Variants in CDH20 observed in about 807,000 individuals in gnomAD.
The protein encoded by CDH20 is cadherin-20.
CDH20 carries 29 observed loss-of-function variants against 74.2 expected under a neutral mutation model. The observed-to-expected ratio is 0.39, with a 90% confidence interval of 0.29 to 0.53. The LOEUF (loss-of-function observed/expected upper bound fraction) is 0.53, where lower values mean the gene tolerates loss of function less well. Ranked by LOEUF, CDH20 falls within the 20% of genes least tolerant of loss-of-function variation. The pLI is 0.69. For synonymous variants in CDH20, 469 were observed against 405.4 expected (o/e 1.16, Z -1.88); for missense variants, 988 against 1,048.3 (o/e 0.94, Z 0.79).
At chr18:61,432,678 G>A (rs1444914463) in intron 1 of CDH20, among the ~76,000 whole-genome samples, 1 of 152,144 alleles carries the variant, frequency 6.6e-6, no homozygotes, top group South Asian at 2.1e-4. Context: ...CTAGGGGAAG[G>A]GGTGATGGCA....
intron 6 of CDH20, among the ~76,000 whole-genome samples, chr18:61,512,216 C>T (rs1911809828): frequency 1.3e-5 from 2 of 152,182 alleles, no homozygotes; most frequent in Non-Finnish European, 1.5e-5. Flanking sequence ...AGTAATCAAT[C>T]AGTCGATTTT....
At chr18:61,490,058 G>C in intron 1 of CDH20, among the ~76,000 whole-genome samples, 1 of 152,080 alleles carries the variant, frequency 6.6e-6, no homozygotes, top group Non-Finnish European at 1.5e-5. Context: ...AAGAGTTTAA[G>C]AGCCTGTCTG....
intron 1 of CDH20, among the ~76,000 whole-genome samples, chr18:61,417,578 TAAAAAAAAAA>T (rs545256689): frequency 2.7e-4 from 17 of 62,342 alleles, no homozygotes; most frequent in African/African-American, 8.8e-4. Context: ...ATGTGGGAGC[TAAAAAAAAAA>T]AAAAAAAAAA....
intron 1 of CDH20, among the ~76,000 whole-genome samples, chr18:61,448,275 G>A (rs1343420313): frequency 1.3e-5 from 2 of 152,212 alleles, no homozygotes; most frequent in Non-Finnish European, 2.9e-5. Context: ...CAGCATGTAT[G>A]GGAATAATGG....
intron 1 of CDH20, among the ~76,000 whole-genome samples, chr18:61,383,110 T>G (rs1186125372): frequency 6.6e-6 from 1 of 152,222 alleles, no homozygotes; most frequent in Non-Finnish European, 1.5e-5. Context: ...GAAAGGCCCT[T>G]AGAACAGTGC....
chr18:61,436,087 C>G (rs185450599), intron 1 of CDH20, among the ~76,000 whole-genome samples: 84 of 152,242 alleles, frequency 5.5e-4, no homozygotes, highest in African/African-American at 1.9e-3. Context: ...TGTGTCGTAG[C>G]ACATTTTAGG....
At chr18:61,540,922 T>G (rs1455846952) in intron 9 of CDH20, among the ~76,000 whole-genome samples, 1 of 152,214 alleles carries the variant, frequency 6.6e-6, no homozygotes, top group Non-Finnish European at 1.5e-5. Flanking sequence ...TAAATTTATC[T>G]AACAATCCTT....
At chr18:61,424,937 A>G (rs1293716478) in intron 1 of CDH20, among the ~76,000 whole-genome samples, 1 of 152,112 alleles carries the variant, frequency 6.6e-6, no homozygotes, top group Non-Finnish European at 1.5e-5. Context: ...TTGGATTAAT[A>G]ATTAGGTTCT....
chr18:61,499,167 A>G lies in CDH20; in HGVS notation c.247-19A>G, dbSNP rs1911271658. On this transcript the variant is annotated intron_variant, in intron 2 of 11. Coordinates refer to ENST00000262717, the MANE Select transcript of CDH20 (RefSeq NM_031891.4). The stretch of plus-strand genomic sequence containing the variant: ...CCTGTTGACATTCATGATGAGAATT[A>G]GGTGCTTTCCTCTCCCAGCTTCATT... 4.6e-6 allele frequency: 7 copies of G among 1,513,918 alleles called. No homozygotes were observed. The East Asian group carries it at 1.6e-4, about 35-fold the overall frequency. 93.8% of individuals were successfully genotyped at this position (1,513,918 alleles called of 1,614,324 possible).
intron 1 of CDH20, among the ~76,000 whole-genome samples, chr18:61,349,400 A>G (rs1188956431): frequency 2.0e-5 from 3 of 152,206 alleles, no homozygotes; most frequent in Admixed American, 1.3e-4. Context: ...ATGTCTTCCC[A>G]GGTTGAGATG....
chr18:61,450,547 C>T (rs1909350257), intron 1 of CDH20, among the ~76,000 whole-genome samples: 1 of 152,014 alleles, frequency 6.6e-6, no homozygotes. Context: ...GTATTTATCA[C>T]AGCAATTTTT....
At chr18:61,534,675 T>C (rs1308283021) in intron 7 of CDH20, among the ~76,000 whole-genome samples, 1 of 152,164 alleles carries the variant, frequency 6.6e-6, no homozygotes, top group Non-Finnish European at 1.5e-5. Flanking sequence ...CTCAGTTATA[T>C]GTAGAATGTA....
chr18:61,515,176 A>G (rs1414213707), intron 6 of CDH20, among the ~76,000 whole-genome samples: 1 of 151,942 alleles, frequency 6.6e-6, no homozygotes, highest in Admixed American at 6.6e-5. Context: ...GGACCCTCGG[A>G]GCCAGGTGCG....
intron 1 of CDH20, among the ~76,000 whole-genome samples, chr18:61,441,944 G>T (rs1051709141): frequency 2.0e-4 from 30 of 152,158 alleles, no homozygotes; most frequent in African/African-American, 7.0e-4. Flanking sequence ...TGAATCAGTT[G>T]GCTTTAGATT....
intron 1 of CDH20, among the ~76,000 whole-genome samples, chr18:61,362,694 T>G (rs576117634): frequency 1.3e-5 from 2 of 152,200 alleles, no homozygotes; most frequent in African/African-American, 4.8e-5. Context: ...TAGTATGTAC[T>G]TAGTACTATG....
At chr18:61,396,081 G>A (rs887183019) in intron 1 of CDH20, among the ~76,000 whole-genome samples, 6 of 151,630 alleles carry the variant, frequency 4.0e-5, no homozygotes, top group East Asian at 1.9e-4. Flanking sequence ...GTTCATGCAC[G>A]CACACCATGT....
At chr18:61,476,909 T>C (rs187346750) in intron 1 of CDH20, among the ~76,000 whole-genome samples, 11 of 152,302 alleles carry the variant, frequency 7.2e-5, no homozygotes, top group African/African-American at 1.7e-4. Flanking sequence ...TGTAAGTATA[T>C]ATTCAATGAT....
intron 1 of CDH20, among the ~76,000 whole-genome samples, chr18:61,393,711 A>G (rs1412766431): frequency 6.6e-6 from 1 of 152,204 alleles, no homozygotes; most frequent in Non-Finnish European, 1.5e-5. Context: ...TCTTTTAAAC[A>G]TTATTTGCTA....
intron 5 of CDH20, among the ~76,000 whole-genome samples, chr18:61,503,819 C>G (rs1297647916): frequency 6.6e-6 from 1 of 152,194 alleles, no homozygotes; most frequent in Non-Finnish European, 1.5e-5. Context: ...GAAGCCTCCA[C>G]AGAAGGATGA....
Sources: allele counts gnomAD v4.1 joint callset (sites outside exome capture counted in the v4.1 genomes callset), GRCh38; gene constraint gnomAD v4.1.1; transcripts MANE v1.5; gene names NCBI Gene and HGNC (gene_info 2026-07-23, HGNC 2026-07-21).